Variants in PRKG1 observed in about 807,000 individuals in gnomAD.
The protein encoded by PRKG1 is protein kinase cGMP-dependent 1, also known as cGMP-dependent protein kinase 1.
Under a neutral mutation model 88.1 loss-of-function variants are expected in PRKG1, and 35 were observed. That is an observed-to-expected ratio of 0.40 (90% confidence interval 0.30 to 0.53). The LOEUF (loss-of-function observed/expected upper bound fraction) is 0.53, where lower values mean the gene tolerates loss of function less well. Ranked by LOEUF, PRKG1 falls within the 20% of genes least tolerant of loss-of-function variation. The probability of loss-of-function intolerance (pLI) is 0.59; values close to 1 mark genes in which losing one functional copy is unlikely to be tolerated. For missense variants in PRKG1, 540 were observed against 839.8 expected, an observed-to-expected ratio of 0.64 and a Z score of 4.41; for synonymous variants, 303 against 292.5, an observed-to-expected ratio of 1.04 and a Z score of -0.37.
At chr10:51,505,446 T>C (rs1440988000) in intron 3 of PRKG1, among the ~76,000 whole-genome samples, 1 of 152,182 alleles carries the variant, frequency 6.6e-6, no homozygotes, top group Non-Finnish European at 1.5e-5. Flanking sequence ...TTTTGTTGTG[T>C]CTCTGCTAGG....
intron 5 of PRKG1, among the ~76,000 whole-genome samples, chr10:52,039,099 C>T (rs1186249753): frequency 6.6e-6 from 1 of 152,158 alleles, no homozygotes; most frequent in Non-Finnish European, 1.5e-5. Flanking sequence ...CGATCCGAGT[C>T]ACGGCACCAA....
chr10:51,899,520 G>A (rs1301914395), intron 4 of PRKG1, among the ~76,000 whole-genome samples: 1 of 151,128 alleles, frequency 6.6e-6, no homozygotes, highest in Admixed American at 6.6e-5. Context: ...ACAAAAAATT[G>A]GCCAGCTCAT....
intron 2 of PRKG1, among the ~76,000 whole-genome samples, chr10:51,213,742 T>G (rs1488966710): frequency 6.6e-6 from 1 of 151,892 alleles, no homozygotes; most frequent in East Asian, 1.9e-4. Flanking sequence ...TTCTTCTGAA[T>G]ATTGCATTTT....
intron 3 of PRKG1, among the ~76,000 whole-genome samples, chr10:51,737,178 C>G (rs910013165): frequency 3.3e-5 from 5 of 152,174 alleles, no homozygotes; most frequent in African/African-American, 1.2e-4. Flanking sequence ...AGCCTTCTGG[C>G]TACCTTGAGA....
intron 4 of PRKG1, among the ~76,000 whole-genome samples, chr10:51,832,763 T>C (rs1030948815): frequency 2.0e-5 from 3 of 152,050 alleles, no homozygotes; most frequent in Non-Finnish European, 4.4e-5. Context: ...AAATAGAAGA[T>C]TGGGGCTTCT....
intron 1 of PRKG1, among the ~76,000 whole-genome samples, chr10:51,003,946 G>A (rs1417611737): frequency 6.6e-6 from 1 of 151,950 alleles, no homozygotes; most frequent in Non-Finnish European, 1.5e-5. Context: ...ATGTACCTCA[G>A]CTTATTGATA....
chr10:51,276,355 A>T (rs1341840245), intron 2 of PRKG1, among the ~76,000 whole-genome samples: 3 of 152,216 alleles, frequency 2.0e-5, no homozygotes, highest in Non-Finnish European at 4.4e-5. Flanking sequence ...TTCTTAATAC[A>T]GTCCATCATT....
chr10:52,079,263 T>A (rs1846707823), intron 7 of PRKG1, among the ~76,000 whole-genome samples: 1 of 152,194 alleles, frequency 6.6e-6, no homozygotes, highest in South Asian at 2.1e-4. Flanking sequence ...TTTCTTGACC[T>A]GTAGTTCATT....
intron 2 of PRKG1, among the ~76,000 whole-genome samples, chr10:51,411,961 T>A (rs1838100118): frequency 6.6e-6 from 1 of 152,076 alleles, no homozygotes; most frequent in Admixed American, 6.6e-5. Context: ...GGTATAATAT[T>A]TAGATTTGAT....
intron 4 of PRKG1, among the ~76,000 whole-genome samples, chr10:51,892,756 T>C (rs550718380): frequency 5.9e-4 from 90 of 152,228 alleles, no homozygotes; most frequent in Admixed American, 1.1e-3. Context: ...GCCCTGCACA[T>C]TGAAGATGTG....
chr10:51,591,609 A>G (rs943262436), intron 3 of PRKG1, among the ~76,000 whole-genome samples: 11 of 152,174 alleles, frequency 7.2e-5, no homozygotes, highest in African/African-American at 9.6e-5. Context: ...AGTAATTAAG[A>G]CTATTCTGCA....
intron 7 of PRKG1, among the ~76,000 whole-genome samples, chr10:52,091,131 T>C (rs924851506): frequency 6.6e-6 from 1 of 152,190 alleles, no homozygotes; most frequent in Non-Finnish European, 1.5e-5. Context: ...TTGTCTGTTG[T>C]AATCTCTGAG....
intron 3 of PRKG1, among the ~76,000 whole-genome samples, chr10:51,565,001 A>C (rs998257661): frequency 2.6e-5 from 4 of 152,068 alleles, no homozygotes; most frequent in African/African-American, 9.7e-5. Flanking sequence ...GAGAAAGAGA[A>C]AATCCCTGAA....
intron 2 of PRKG1, among the ~76,000 whole-genome samples, chr10:51,441,703 A>T (rs1839112446): frequency 6.6e-6 from 1 of 152,018 alleles, no homozygotes; most frequent in Non-Finnish European, 1.5e-5. Flanking sequence ...TGAACTTCTA[A>T]GAATCAATTT....
In PRKG1 at chr10:52,293,983, A is replaced by G; in HGVS notation, c.*83A>G. 1.7e-6 allele frequency: 2 copies of G among 1,174,104 alleles called. No individual in the cohort carries two copies. Among genetic ancestry groups the G allele is most frequent in the Non-Finnish European group, 2.5e-6 (2 of 798,292 alleles). 72.7% of individuals were successfully genotyped at this position (1,174,104 alleles called of 1,614,324 possible). ...GCCAGCAAACCTGAGGGAAAGAGAG[A>G]AGATTAGTGCTCGGGGTCACCATGA... On this transcript the variant is annotated 3_prime_UTR_variant, in exon 18 of 18. Coordinates refer to ENST00000373980, the MANE Select transcript of PRKG1 (RefSeq NM_006258.4).
intron 4 of PRKG1, among the ~76,000 whole-genome samples, chr10:51,819,134 G>A (rs1389798106): frequency 6.6e-6 from 1 of 150,522 alleles, no homozygotes; most frequent in Non-Finnish European, 1.5e-5. Flanking sequence ...ACCTGCATCT[G>A]TATCTGAGGA....
At chr10:52,193,548 C>CAAAAAAAAAAAAAAA (rs34730000) in intron 9 of PRKG1, among the ~76,000 whole-genome samples, 3 of 42,800 alleles carry the variant, frequency 7.0e-5, no homozygotes, top group African/African-American at 2.2e-4. Flanking sequence ...GACTCTGTCT[C>CAAAAAAAAAAAAAAA]AAAAAAAAAA....
intron 4 of PRKG1, among the ~76,000 whole-genome samples, chr10:51,893,382 A>C (rs1322930986): frequency 1.3e-5 from 2 of 152,014 alleles, no homozygotes; most frequent in Non-Finnish European, 2.9e-5. Flanking sequence ...ACCTTTTTTG[A>C]AATATAAGAT....
intron 3 of PRKG1, among the ~76,000 whole-genome samples, chr10:51,508,316 C>T (rs961760476): frequency 2.9e-4 from 44 of 152,206 alleles, no homozygotes; most frequent in East Asian, 1.9e-4. Flanking sequence ...AAAGAATATA[C>T]GCATGGTCTG....
Sources: allele counts gnomAD v4.1 joint callset (sites outside exome capture counted in the v4.1 genomes callset), GRCh38; gene constraint gnomAD v4.1.1; transcripts MANE v1.5; gene names NCBI Gene and HGNC (gene_info 2026-07-23, HGNC 2026-07-21).